Variants in LARP1 observed in about 807,000 individuals in gnomAD.
LARP1 encodes the protein la-related protein 1.
In LARP1, 36 loss-of-function variants were observed where a neutral mutation model predicts 122.7. The observed-to-expected ratio is 0.29, with a 90% CI of 0.22 to 0.39. The LOEUF (loss-of-function observed/expected upper bound fraction) is 0.39. LARP1 is among the 10% of genes least tolerant of loss of function. The probability of loss-of-function intolerance (pLI) is 1.00; values close to 1 mark genes in which losing one functional copy is unlikely to be tolerated. For missense variants in LARP1, 1,040 were observed against 1,403.6 expected (o/e 0.74, Z 4.14); for synonymous variants, 539 against 528.7 (o/e 1.02, Z -0.27).
intron 1 of LARP1, among the ~76,000 whole-genome samples, chr5:154,788,646 G>C (rs901438867): frequency 2.0e-5 from 3 of 151,990 alleles, no homozygotes; most frequent in Non-Finnish European, 4.4e-5. Context: ...GTGGGTTTCT[G>C]GGGGAGGAAG....
chr5:154,800,831 A>G (rs2113827312), intron 10 of LARP1, among the ~76,000 whole-genome samples: 1 of 152,260 alleles, frequency 6.6e-6, no homozygotes, highest in East Asian at 1.9e-4. Flanking sequence ...TCCCACAGTG[A>G]TTACCTCTCA....
intron 1 of LARP1, among the ~76,000 whole-genome samples, chr5:154,786,044 C>A (rs1313146006): frequency 6.6e-6 from 1 of 152,068 alleles, no homozygotes; most frequent in Non-Finnish European, 1.5e-5. Flanking sequence ...TTTTGGTATG[C>A]TTCACTTTTT....
chr5:154,783,975 C>T (rs887778851), intron 1 of LARP1, among the ~76,000 whole-genome samples: 13 of 152,094 alleles, frequency 8.5e-5, no homozygotes, highest in African/African-American at 3.1e-4. Flanking sequence ...TGGACTGAGG[C>T]GCAGCACTGA....
rs1045306591 is a variant in LARP1 at position 154,755,499 on chromosome 5, G to T, written c.-259G>T. On this transcript the variant is annotated 5_prime_UTR_variant, in exon 1 of 19. Coordinates refer to ENST00000518297, the MANE Select transcript of LARP1 (RefSeq NM_033551.3). ...GGGGCGTCTTGCGAGGAACGGGCGG[G>T]GGGGGACGCACGCCTAGGAGGCCTG... 12 of 962,384 alleles carry T rather than the reference G, an allele frequency of 1.2e-5. No individual in the cohort carries two copies. The highest frequency in any genetic ancestry group is 2.9e-4 in the Middle Eastern group (1 of 3,432). The allele number at this position is 962,384 out of a possible 1,614,324, so 59.6% of individuals were successfully genotyped here.
chr5:154,741,795 G>C (rs1317521004), intron 1 of LARP1, among the ~76,000 whole-genome samples: 2 of 152,124 alleles, frequency 1.3e-5, no homozygotes, highest in Non-Finnish European at 2.9e-5. Context: ...AGTTATGGAG[G>C]GTTGTTTGTT....
rs1759566715 is a variant in LARP1, at chr5:154,814,915, A to G, written c.*819A>G. 6.6e-6 allele frequency: 1 copy of G among 151,898 alleles called. No individual in the cohort carries two copies. Among genetic ancestry groups the G allele is most frequent in the African/African-American group, 2.4e-5 (1 of 41,180 alleles). 9.4% of individuals were successfully genotyped at this position (151,898 alleles called of 1,614,324 possible). A position where few individuals can be genotyped will look rare whatever the true frequency, so the allele number is the denominator to read the frequency against. ...ATAAAAGACCAAAAAAAAAAAAAAA[A>G]TCAGAAAACCCCCACCTAATCCACA... On this transcript the variant is annotated 3_prime_UTR_variant, in exon 19 of 19. Transcript: ENST00000518297.
At chr5:154,688,500 C>T (rs944584788) in intron 1 of LARP1, among the ~76,000 whole-genome samples, 15 of 151,594 alleles carry the variant, frequency 9.9e-5, no homozygotes, top group African/African-American at 3.1e-4. Context: ...GCTAAAAATA[C>T]AAAAATTATC....
intron 1 of LARP1, among the ~76,000 whole-genome samples, chr5:154,764,405 A>G (rs1014871030): frequency 1.3e-5 from 2 of 150,326 alleles, no homozygotes; most frequent in African/African-American, 2.5e-5. Flanking sequence ...GGAGTTCAAG[A>G]CCAGCCTGGG....
chr5:154,743,312 A>T lies in LARP1; in HGVS notation c.205+30182A>T, dbSNP rs1480873844. Among the ~76,000 whole-genome samples, 14 of 148,176 alleles carry T rather than the reference A, an allele frequency of 9.4e-5. No homozygotes were observed. In the East Asian group the frequency reaches 1.6e-3, roughly 17 times the overall value. On this transcript the variant is annotated intron_variant, in intron 1 of 18. Coordinates refer to the LARP1 transcript ENST00000336314. ...GGGCTATAGTTTATTATTCTTATTT[A>T]TTTATTTTTTTTTGAAATGGAATTT...
Position 154,799,888 on chromosome 5 carries a change from C to G in LARP1, c.1562C>G (p.Ser521Cys). Residue 521 changes from serine (S) to cysteine (C), a missense_variant, in exon 10 of 19, where the codon TCT becomes TGT. Physicochemically the swap from Ser to Cys is moderately radical, Grantham distance 112. This residue lies in a region of LARP1 where 362 missense variants were observed against 533.1 expected (regional missense o/e 0.68). Transcript: ENST00000518297. ...YQKETESAPG[S>C]PRAVTPVPTK... is the part of the protein sequence containing the mutation. Reference sequence around the variant, plus strand: ...CACCCTTTAGAGTCGGCACCTGGCTCTCCTCGTGCAGTCACCCCAGTGCCA... The same window carrying G: ...CACCCTTTAGAGTCGGCACCTGGCTGTCCTCGTGCAGTCACCCCAGTGCCA... The G allele has an allele frequency of 6.2e-7, 1 of 1,614,008 alleles. No individual in the cohort carries two copies.
intron 1 of LARP1, among the ~76,000 whole-genome samples, chr5:154,788,897 T>C (rs187002101): frequency 6.2e-4 from 94 of 152,336 alleles, no homozygotes; most frequent in African/African-American, 2.1e-3. Flanking sequence ...TGTGCACATT[T>C]TTGTTTTACA....
chr5:154,706,842 G>A (rs1043824119), intron 1 of LARP1, among the ~76,000 whole-genome samples: 3 of 151,764 alleles, frequency 2.0e-5, no homozygotes, highest in Non-Finnish European at 4.4e-5. Flanking sequence ...TTATAACTGC[G>A]ACAAACCAGA....
chr5:154,688,888 T>G (rs1404407843), intron 1 of LARP1, among the ~76,000 whole-genome samples: 2 of 152,226 alleles, frequency 1.3e-5, no homozygotes, highest in Admixed American at 6.5e-5. Context: ...CCTTTTTCAC[T>G]TAACATTATA....
chr5:154,815,909 G>A lies in LARP1; in HGVS notation c.*1813G>A, dbSNP rs1239046832. ...TGCACGTTCACTCTCAGTGGGATCT[G>A]GGCAACATGGAGTTCATTGTCCTGT... On this transcript the variant is annotated 3_prime_UTR_variant, in exon 19 of 19. Coordinates refer to ENST00000518297, the MANE Select transcript of LARP1 (RefSeq NM_033551.3). The A allele has an allele frequency of 6.6e-6, 1 of 152,278 alleles. No individual in the cohort carries two copies. Among genetic ancestry groups the A allele is most frequent in the Non-Finnish European group, 1.5e-5 (1 of 68,064 alleles). The allele number at this position is 152,278 out of a possible 1,614,324, so 9.4% of individuals were successfully genotyped here.
chr5:154,764,547 G>A (rs1416957207), intron 1 of LARP1, among the ~76,000 whole-genome samples: 3 of 21,436 alleles, frequency 1.4e-4, no homozygotes, highest in Non-Finnish European at 2.6e-4. Flanking sequence ...GCTATATTGA[G>A]CAAGAGCCAC....
chr5:154,802,632 C>T lies in LARP1; in HGVS notation c.2109+233C>T, dbSNP rs565243391. ...GAGGCGGTGGTGATTATTATCCTATCTGCGGATCCATAGTTAATATTCTGA... is the reference window on the plus strand; with the variant it reads ...GAGGCGGTGGTGATTATTATCCTATTTGCGGATCCATAGTTAATATTCTGA... On this transcript the variant is annotated intron_variant, in intron 11 of 18. Coordinates refer to ENST00000518297, the MANE Select transcript of LARP1 (RefSeq NM_033551.3). The surrounding 1 kb of genome is among the most constrained non-coding windows in gnomAD (Gnocchi z 5.1). 4.6e-5 allele frequency among the ~76,000 whole-genome samples: 7 copies of T among 152,260 alleles called. No homozygotes were observed. The highest frequency in any genetic ancestry group is 2.1e-4 in the South Asian group (1 of 4,818).
chr5:154,756,169 A>G lies in LARP1; in HGVS notation c.412A>G (p.Thr138Ala). ...TKNALPPVLT[T>A]VNGQSPPEHS... ...GAACGCATTGCCGCCGGTCCTGACC[A>G]CCGTGAACGGACAGTCCCCCCCAGG... The change falls in exon 1 of 19, where the codon ACC becomes GCC. Residue 138 changes from threonine (T) to alanine (A), a missense_variant. By Grantham distance (58) the Thr-to-Ala change is moderately conservative (BLOSUM62 0). This residue lies in a region of LARP1 where 257 missense variants were observed against 273.3 expected (regional missense o/e 0.94). Coordinates refer to ENST00000518297, the MANE Select transcript of LARP1 (RefSeq NM_033551.3). The G allele has an allele frequency of 7.6e-7, 1 of 1,313,526 alleles. No homozygotes were observed. Among genetic ancestry groups the G allele is most frequent in the South Asian group, 1.2e-5 (1 of 84,002 alleles). 81.4% of individuals were successfully genotyped at this position (1,313,526 alleles called of 1,614,324 possible).
Position 154,815,261 on chromosome 5 carries a change from GC to G in LARP1, c.*1167del, listed in dbSNP as rs1759591387. The stretch of plus-strand genomic sequence containing the variant: ...TGACGTCCTGTGTCTGTACACTGCT[GC>G]CACTGTTGTGTCCTCGCTCTGCTTG... On this transcript the variant is annotated 3_prime_UTR_variant, in exon 19 of 19. Coordinates refer to ENST00000518297, the MANE Select transcript of LARP1 (RefSeq NM_033551.3). The G allele has an allele frequency of 6.6e-6, 1 of 152,418 alleles. No individual in the cohort carries two copies. Among genetic ancestry groups the G allele is most frequent in the Non-Finnish European group, 1.5e-5 (1 of 68,028 alleles). 9.4% of individuals were successfully genotyped at this position (152,418 alleles called of 1,614,324 possible).
chr5:154,740,524 G>C (rs1249751192), intron 1 of LARP1, among the ~76,000 whole-genome samples: 1 of 152,094 alleles, frequency 6.6e-6, no homozygotes, highest in Non-Finnish European at 1.5e-5. Context: ...GCCTAATGAG[G>C]ATTCTCCCTG....
Sources: gnomAD v4.1 joint callset for allele counts (sites outside exome capture counted in the v4.1 genomes callset) on GRCh38, gnomAD v4.1.1 for gene constraint, gnomAD v4.1.1 regional missense constraint, Gnocchi (gnomAD v3.1) non-coding constraint, MANE v1.5 for transcripts, NCBI Gene and HGNC (gene_info 2026-07-23, HGNC 2026-07-21) for gene names.